The following DNAH1 variants were observed in gnomAD, a reference collection of about 807,000 sequenced individuals.
The protein encoded by DNAH1 is dynein axonemal heavy chain 1.
DNAH1 carries 327 observed loss-of-function variants against 484.3 expected under a neutral mutation model. The ratio of observed to expected loss-of-function variants is 0.68; its 90% CI spans 0.62 to 0.74. The LOEUF (loss-of-function observed/expected upper bound fraction) is 0.74, where lower values mean the gene tolerates loss of function less well. DNAH1 is among the 30% of genes least tolerant of loss of function. The probability of loss-of-function intolerance (pLI) is 0.00; values close to 1 mark genes in which losing one functional copy is unlikely to be tolerated. For missense variants in DNAH1, 5,052 were observed against 5,546.8 expected (o/e 0.91, Z 2.83); for synonymous variants, 2,192 against 2,191.9 (o/e 1.00, Z 0.00).
intron 1 of DNAH1, among the ~76,000 whole-genome samples, chr3:52,320,925 G>A (rs1019365699): frequency 4.3e-5 from 6 of 140,256 alleles, no homozygotes; most frequent in East Asian, 2.2e-4. Context: ...CTCAGCCTCC[G>A]GAGTAGCTAG....
intron 41 of DNAH1, 128 bp from the exon 42 acceptor site, chr3:52,371,818 C>A: frequency 7.3e-7 from 1 of 1,372,872 alleles, no homozygotes; most frequent in Non-Finnish European, 9.9e-7. Context: ...AGCAGCCCTG[C>A]ACCTGGACCC....
intron 48 of DNAH1, among the ~76,000 whole-genome samples, chr3:52,380,405 G>A (rs1002708975): frequency 2.6e-5 from 4 of 152,190 alleles, no homozygotes; most frequent in East Asian, 1.9e-4. Context: ...ACAAGGGGCC[G>A]GGGGCGGGGC....
intron 77 of DNAH1, 107 bp downstream of exon 77, chr3:52,399,886 C>G (rs1704829865): frequency 2.4e-6 from 3 of 1,228,010 alleles, no homozygotes; most frequent in Admixed American, 4.5e-5. Context: ...GGAAGGACAA[C>G]AGAGATTTGG....
rs2153225290 is a variant in DNAH1 at position 52,384,815 on chromosome 3, G to A, written c.8352G>A (p.Ser2784=). The part of the protein sequence containing the change: ...LIQVCVYIHQ[S]VSKKCIEYLA... ...AGGTCTGTGTGTACATCCACCAGTC[G>A]GTGTCCAAGAAGTGCATCGAGTACC... The change falls in exon 53 of 78, where the codon TCG becomes TCA. Residue 2784 remains serine (S), a synonymous_variant. Coordinates refer to ENST00000420323, the MANE Select transcript of DNAH1 (RefSeq NM_015512.5). The A allele has an allele frequency of 7.5e-6, 12 of 1,606,336 alleles. No homozygotes were observed. Among genetic ancestry groups the A allele is most frequent in the South Asian group, 2.2e-5 (2 of 89,584 alleles).
intron 49 of DNAH1, 49 bp from the exon 50 acceptor site, chr3:52,382,271 G>A (rs543531779): frequency 3.8e-5 from 62 of 1,613,570 alleles, no homozygotes; most frequent in South Asian, 2.3e-4. Flanking sequence ...ACCCTTCAGC[G>A]TCTGGCCCCA....
rs964091052 is a variant in DNAH1 at position 52,358,063 on chromosome 3, G to A, written c.4086+60G>A. ...CATGGGGCATCTTCCCAGGGAGAAC[G>A]TCCCTCCCTTTGTGATGAGCCCTTT... On this transcript the variant is annotated intron_variant, in intron 24 of 77. Coordinates refer to ENST00000420323, the MANE Select transcript of DNAH1 (RefSeq NM_015512.5). This position sits in a 1 kb window ranked among gnomAD's most constrained non-coding sequence, Gnocchi z 4.2. 1.4e-5 allele frequency: 18 copies of A among 1,321,900 alleles called. No individual in the cohort carries two copies. The highest frequency in any genetic ancestry group is 4.8e-5 in the East Asian group (2 of 41,310). 81.9% of individuals were successfully genotyped at this position (1,321,900 alleles called of 1,614,324 possible).
chr3:52,392,909 C>A lies in DNAH1; in HGVS notation c.10358C>A (p.Thr3453Asn), dbSNP rs1704459317. The A allele has an allele frequency of 6.2e-7, 1 of 1,613,072 alleles. No individual in the cohort carries two copies. Among genetic ancestry groups the A allele is most frequent in the Admixed American group, 1.7e-5 (1 of 59,924 alleles). ...RMEYIPVAIR[T>N]QILFFCVSDL... is the part of the protein sequence containing the mutation. ...GAGTACATACCCGTGGCCATCCGCACCCAGATCCTCTTCTTCTGTGTGTCC... is the reference window on the plus strand; with the variant it reads ...GAGTACATACCCGTGGCCATCCGCAACCAGATCCTCTTCTTCTGTGTGTCC... The change falls in exon 65 of 78, where the codon ACC becomes AAC. Residue 3453 changes from threonine (T) to asparagine (N), a missense_variant. This residue lies in a region of DNAH1 where 2,929 missense variants were observed against 3,409.4 expected (regional missense o/e 0.86). Transcript: ENST00000420323.
chr3:52,354,119 G>A (rs1244263197), intron 20 of DNAH1, among the ~76,000 whole-genome samples: 1 of 152,062 alleles, frequency 6.6e-6, no homozygotes, highest in Non-Finnish European at 1.5e-5. Flanking sequence ...CGGTGATTAT[G>A]CCACTGCACT....
At chr3:52,352,125 G>A (rs1460994736) in intron 17 of DNAH1, 22 bp downstream of exon 17, 2 of 1,562,824 alleles carry the variant, frequency 1.3e-6, no homozygotes, top group South Asian at 1.2e-5. Flanking sequence ...CTGCAGGCTT[G>A]GTGCTGGACA....
chr3:52,381,236 G>A lies in DNAH1; in HGVS notation c.7609-404G>A, dbSNP rs895099244. On this transcript the variant is annotated intron_variant, in intron 48 of 77. Transcript: ENST00000420323. The surrounding 1 kb of genome is among the most constrained non-coding windows in gnomAD (Gnocchi z 4.1). ...CCACCTCAGCGTCCTGAGTAGCTGG[G>A]ACCACAGGCACGCACCACCACGCCC... is the stretch of plus-strand genomic sequence containing the variant. 2.6e-5 allele frequency among the ~76,000 whole-genome samples: 4 copies of A among 152,126 alleles called. No homozygotes were observed. Among genetic ancestry groups the A allele is most frequent in the African/African-American group, 9.7e-5 (4 of 41,404 alleles).
intron 52 of DNAH1, among the ~76,000 whole-genome samples, 157 bp downstream of exon 52, chr3:52,384,188 C>A (rs1703995538): frequency 6.6e-6 from 1 of 152,218 alleles, no homozygotes; most frequent in Non-Finnish European, 1.5e-5. Flanking sequence ...ATTTCCTCAT[C>A]TGTAAATGCG....
In DNAH1 at chr3:52,381,690, G is replaced by T; in HGVS notation, c.7659G>T (p.Thr2553=). Residue 2553 remains threonine, a synonymous_variant, in exon 49 of 78, where the codon ACG becomes ACT. Coordinates refer to ENST00000420323, the MANE Select transcript of DNAH1 (RefSeq NM_015512.5). This position sits in a 1 kb window ranked among gnomAD's most constrained non-coding sequence, Gnocchi z 4.1. ...EYIEDYNQIN[T]AKLKLVLFMD... ...TAGAGGACTACAACCAGATCAACAC[G>T]GCCAAGCTGAAGCTGGTCCTCTTCA... is the stretch of plus-strand genomic sequence containing the variant. 1.2e-6 allele frequency: 2 copies of T among 1,608,658 alleles called. No individual in the cohort carries two copies. The highest frequency in any genetic ancestry group is 2.2e-5 in the East Asian group (1 of 44,714).
At position 52,353,409 on chromosome 3, in the gene DNAH1, G is replaced by C; in HGVS notation, c.3256G>C (p.Ala1086Pro). Residue 1086 changes from alanine (A) to proline (P), a missense_variant, in exon 20 of 78, where the codon GCC (alanine) becomes CCC (proline). Coordinates refer to ENST00000420323, the MANE Select transcript of DNAH1 (RefSeq NM_015512.5). The surrounding 1 kb of genome is among the most constrained non-coding windows in gnomAD (Gnocchi z 5.0). The stretch of plus-strand genomic sequence containing the variant: ...CCAGGAAGTGGCCTTGGACATCCGG[G>C]CCCGCATCGAGGAGTTCAAACCATA... ...ACQEVALDIRARIEEFKPYIP... is the reference protein window; with the variant it reads ...ACQEVALDIRPRIEEFKPYIP... 1 of 1,613,228 alleles carries C rather than the reference G, an allele frequency of 6.2e-7. No individual in the cohort carries two copies. Among genetic ancestry groups the C allele is most frequent in the South Asian group, 1.1e-5 (1 of 91,028 alleles).
At position 52,390,926 on chromosome 3, in the gene DNAH1, T is replaced by C; in HGVS notation, c.9622-9T>C. The C allele has an allele frequency of 6.4e-7, 1 of 1,551,596 alleles. No homozygotes were observed. The highest frequency in any genetic ancestry group is 8.7e-7 in the Non-Finnish European group (1 of 1,146,886). On this transcript the variant is annotated splice_polypyrimidine_tract_variant and intron_variant, in intron 60 of 77. Transcript: ENST00000420323. ...GCTCTGACCCAGTCCAGTGCCTGGC[T>C]CTCCACAGATCGCTGGCCTCCCCAA...
rs1359069867 is a variant in DNAH1 at position 52,378,696 on chromosome 3, A to G, written c.7293A>G (p.Pro2431=). The G allele has an allele frequency of 1.2e-6, 2 of 1,613,776 alleles. No homozygotes were observed. The highest frequency in any genetic ancestry group is 3.3e-5 in the Admixed American group (2 of 60,014). The change falls in exon 47 of 78, where the codon CCA becomes CCG. Residue 2431 remains proline, a synonymous_variant. Transcript: ENST00000420323. Reference sequence around the variant, plus strand: ...TCACCTCCCAGCTGCTGCCCACTCCAGCCAAGTCCCACTACACCTTCAACC... The same window carrying G: ...TCACCTCCCAGCTGCTGCCCACTCCGGCCAAGTCCCACTACACCTTCAACC... ...ATITSQLLPT[P]AKSHYTFNLR...
rs762413952 is a variant in DNAH1, at chr3:52,381,802, G to A, written c.7771G>A (p.Gly2591Ser). 8 of 1,602,090 alleles carry A rather than the reference G, an allele frequency of 5.0e-6. No individual in the cohort carries two copies. The highest frequency in any genetic ancestry group is 4.5e-5 in the East Asian group (2 of 44,234). The stretch of plus-strand genomic sequence containing the variant: ...ACTCCTGCTGGGCGTGGGTGGCAGC[G>A]GCCGCAGCTCCCTCACAAGGCTCGC... ...NALLLGVGGS[G>S]RSSLTRLASH... Residue 2591 changes from glycine to serine, a missense_variant, in exon 49 of 78, where the codon GGC (glycine) becomes AGC (serine). Coordinates refer to ENST00000420323, the MANE Select transcript of DNAH1 (RefSeq NM_015512.5). The surrounding 1 kb of genome is among the most constrained non-coding windows in gnomAD (Gnocchi z 4.1).
At chr3:52,360,857 T>C (rs1702824937) in intron 28 of DNAH1, among the ~76,000 whole-genome samples, 3 of 152,362 alleles carry the variant, frequency 2.0e-5, no homozygotes, top group Non-Finnish European at 2.9e-5. Context: ...TCATGTCATC[T>C]TGCCGCCTGT....
intron 16 of DNAH1, 140 bp from the exon 17 acceptor site, chr3:52,351,822 G>A: frequency 3.9e-6 from 4 of 1,027,050 alleles, no homozygotes; most frequent in Admixed American, 4.8e-5. Flanking sequence ...GCCCCAGGTA[G>A]CCTCCACAGC....
At position 52,362,273 on chromosome 3, in the gene DNAH1, G is replaced by A. The variant is rs1049893499; in HGVS notation, c.4981-115G>A. The A allele has an allele frequency of 3.6e-6, 3 of 839,002 alleles. No individual in the cohort carries two copies. The highest frequency in any genetic ancestry group is 4.3e-5 in the Admixed American group (2 of 46,828). The allele number at this position is 839,002 out of a possible 1,614,324, so 52.0% of individuals were successfully genotyped here. ...AACCCATGATCAGGGGTCCAGGCCT[G>A]GCCTACCAGCTACAGCCAGGACAGG... On this transcript the variant is annotated intron_variant, in intron 30 of 77. Transcript: ENST00000420323. This position sits in a 1 kb window ranked among gnomAD's most constrained non-coding sequence, Gnocchi z 5.1.
Sources: allele counts gnomAD v4.1 joint callset (sites outside exome capture counted in the v4.1 genomes callset), GRCh38; gene constraint gnomAD v4.1.1; regional missense constraint gnomAD v4.1.1; non-coding constraint Gnocchi (gnomAD v3.1); transcripts MANE v1.5; gene names NCBI Gene and HGNC (gene_info 2026-07-23, HGNC 2026-07-21).